Variants in CCBE1 observed in about 807,000 individuals in gnomAD.
CCBE1 encodes the protein collagen and calcium binding EGF domains 1.
A neutral mutation model predicts 50.0 loss-of-function variants in CCBE1; 37 were observed. The observed-to-expected ratio is 0.74, with a 90% CI of 0.57 to 0.97. CCBE1 has a LOEUF of 0.97. CCBE1 is among the 50% of genes least tolerant of loss of function. The pLI, the probability that CCBE1 is intolerant of heterozygous loss-of-function variation, is 0.00. For missense variants in CCBE1, 538 were observed against 523.8 expected (o/e 1.03, Z -0.26); for synonymous variants, 234 against 203.7 (o/e 1.15, Z -1.27).
chr18:59,649,507 A>G (rs1056498673), intron 2 of CCBE1, among the ~76,000 whole-genome samples: 2 of 152,206 alleles, frequency 1.3e-5, no homozygotes, highest in Non-Finnish European at 2.9e-5. Flanking sequence ...ACAGACAGAC[A>G]TTTACACAGA....
intron 2 of CCBE1, among the ~76,000 whole-genome samples, chr18:59,601,198 A>AT (rs1433636007): frequency 2.6e-5 from 4 of 151,160 alleles, no homozygotes; most frequent in African/African-American, 7.3e-5. Flanking sequence ...TGCCCAGCTT[A>AT]TTTTTTGTAG....
At chr18:59,693,349 A>G (rs552467146) in intron 2 of CCBE1, among the ~76,000 whole-genome samples, 1 of 152,210 alleles carries the variant, frequency 6.6e-6, no homozygotes, top group Non-Finnish European at 1.5e-5. Flanking sequence ...ACCAGCTTTC[A>G]TGGTCCCCCT....
intron 2 of CCBE1, among the ~76,000 whole-genome samples, chr18:59,685,582 T>G (rs1357584001): frequency 6.6e-6 from 1 of 152,222 alleles, no homozygotes; most frequent in East Asian, 1.9e-4. Flanking sequence ...CATACTGGAA[T>G]CACATGAGGA....
chr18:59,563,409 G>A (rs986262512), intron 2 of CCBE1, among the ~76,000 whole-genome samples: 1 of 152,106 alleles, frequency 6.6e-6, no homozygotes, highest in African/African-American at 2.4e-5. Context: ...AAGCATCCAG[G>A]GTATTTACGA....
intron 3 of CCBE1, among the ~76,000 whole-genome samples, chr18:59,478,350 A>G (rs1020468167): frequency 1.3e-5 from 2 of 152,256 alleles, no homozygotes; most frequent in Admixed American, 1.3e-4. Context: ...TTTCTGAAAT[A>G]CTGCATTTGT....
At chr18:59,479,920 G>T (rs963738157) in intron 3 of CCBE1, among the ~76,000 whole-genome samples, 1 of 152,122 alleles carries the variant, frequency 6.6e-6, no homozygotes, top group African/African-American at 2.4e-5. Flanking sequence ...GCTAATTGGG[G>T]GATTATAGCT....
rs1555710567 is a variant in CCBE1 at position 59,693,005 on chromosome 18, A to ACAC, written c.212+3623_212+3624insGTG. On this transcript the variant is annotated intron_variant, in intron 2 of 10. Transcript: ENST00000439986. ...ACACACACACACACACACACACACA[A>ACAC]ACAAAAAACGCAAAGCCAAACCTAT... Among the ~76,000 whole-genome samples the ACAC allele has an allele frequency of 1.1e-4, 16 of 142,136 alleles. No individual in the cohort carries two copies. The South Asian group carries it at 2.4e-3, about 21-fold the overall frequency. 93.2% of individuals were successfully genotyped at this position (142,136 alleles called of 152,430 possible).
At chr18:59,443,279 G>T (rs1368241869) in intron 7 of CCBE1, among the ~76,000 whole-genome samples, 1 of 152,150 alleles carries the variant, frequency 6.6e-6, no homozygotes, top group Non-Finnish European at 1.5e-5. Context: ...CCACACCGGG[G>T]ACTCTAGCGG....
intron 3 of CCBE1, among the ~76,000 whole-genome samples, chr18:59,476,617 G>A (rs1017107452): frequency 4.6e-5 from 7 of 152,260 alleles, no homozygotes; most frequent in African/African-American, 1.2e-4. Context: ...CAGAATCAGA[G>A]TTAGGGCACA....
At chr18:59,484,298 AG>A (rs1254342408) in intron 2 of CCBE1, among the ~76,000 whole-genome samples, 1 of 152,220 alleles carries the variant, frequency 6.6e-6, no homozygotes, top group African/African-American at 2.4e-5. Context: ...GTTGGATACA[AG>A]GGGGAAAAAC....
intron 2 of CCBE1, among the ~76,000 whole-genome samples, chr18:59,579,475 T>G (rs547999956): frequency 6.6e-6 from 1 of 152,070 alleles, no homozygotes; most frequent in Non-Finnish European, 1.5e-5. Context: ...CACCTAAGCA[T>G]TGGGCACTTA....
At chr18:59,622,933 T>C (rs2053732720) in intron 2 of CCBE1, among the ~76,000 whole-genome samples, 1 of 151,756 alleles carries the variant, frequency 6.6e-6, no homozygotes, top group Admixed American at 6.6e-5. Flanking sequence ...GATACTATGA[T>C]GGAAAATACA....
intron 2 of CCBE1, among the ~76,000 whole-genome samples, chr18:59,652,825 G>T (rs1217867138): frequency 6.6e-6 from 1 of 152,162 alleles, no homozygotes; most frequent in African/African-American, 2.4e-5. Flanking sequence ...TTAGCCGGGC[G>T]TGGCGGCGGG....
Position 59,435,924 on chromosome 18 carries a change from C to G in CCBE1, c.1205G>C (p.Arg402Thr). ...RTETRDLRAP[R>T]DFYP is the part of the protein sequence containing the mutation. ...TGGGATGTGCTATGGGTAGAAGTCT[C>G]TGGGGGCTCTCAAGTCTCTTGTCTC... The change falls in exon 11 of 11, where the codon AGA becomes ACA. Residue 402 changes from arginine (R) to threonine (T), a missense_variant. Physicochemically the swap from Arg to Thr is moderately conservative, Grantham distance 71. Coordinates refer to ENST00000439986, the MANE Select transcript of CCBE1 (RefSeq NM_133459.4). The G allele has an allele frequency of 6.2e-7, 1 of 1,614,122 alleles. No individual in the cohort carries two copies. Among genetic ancestry groups the G allele is most frequent in the Non-Finnish European group, 8.5e-7 (1 of 1,180,012 alleles).
At chr18:59,512,529 G>C (rs1249183532) in intron 2 of CCBE1, among the ~76,000 whole-genome samples, 2 of 152,248 alleles carry the variant, frequency 1.3e-5, no homozygotes, top group African/African-American at 4.8e-5. Flanking sequence ...TCATCCATTA[G>C]AGGAACAGAA....
chr18:59,524,525 A>G (rs562031407), intron 2 of CCBE1, among the ~76,000 whole-genome samples: 186 of 152,354 alleles, frequency 1.2e-3, no homozygotes, highest in Non-Finnish European at 2.0e-3. Context: ...GCAAAGTTCA[A>G]TAAGTGTAAA....
At chr18:59,585,457 A>T (rs938766544) in intron 2 of CCBE1, among the ~76,000 whole-genome samples, 9 of 152,126 alleles carry the variant, frequency 5.9e-5, no homozygotes, top group Non-Finnish European at 1.3e-4. Flanking sequence ...TCCCAAAATC[A>T]AGCTCAAGGT....
intron 2 of CCBE1, among the ~76,000 whole-genome samples, chr18:59,646,955 C>G (rs2054062485): frequency 6.6e-6 from 1 of 152,192 alleles, no homozygotes; most frequent in Admixed American, 6.5e-5. Flanking sequence ...CTCTGGGGAC[C>G]ACCAGCCTCA....
intron 2 of CCBE1, among the ~76,000 whole-genome samples, chr18:59,600,611 G>A (rs1051363867): frequency 2.6e-5 from 4 of 151,950 alleles, no homozygotes; most frequent in African/African-American, 9.7e-5. Context: ...TGAAGAAGAG[G>A]GTTACAATTC....
Sources: gnomAD v4.1 joint callset for allele counts (sites outside exome capture counted in the v4.1 genomes callset) on GRCh38, gnomAD v4.1.1 for gene constraint, MANE v1.5 for transcripts, NCBI Gene and HGNC (gene_info 2026-07-23, HGNC 2026-07-21) for gene names.